FBXO9: variants seen among roughly 807,000 people sequenced by gnomAD.
FBXO9 encodes F-box only protein 9.
A neutral mutation model predicts 63.7 loss-of-function variants in FBXO9; 43 were observed. The observed-to-expected ratio is 0.67, with a 90% confidence interval of 0.53 to 0.87. The LOEUF (loss-of-function observed/expected upper bound fraction) is 0.87, where lower values mean the gene tolerates loss of function less well. Ranked by LOEUF, FBXO9 falls within the 40% of genes least tolerant of loss-of-function variation. The probability of loss-of-function intolerance (pLI) is 0.00; values close to 1 mark genes in which losing one functional copy is unlikely to be tolerated. For synonymous variants in FBXO9, 156 were observed against 171.7 expected (o/e 0.91, Z 0.72); for missense variants, 442 against 533.2 (o/e 0.83, Z 1.68).
intron 6 of FBXO9, among the ~76,000 whole-genome samples, chr6:53,081,546 C>T (rs1460086829): frequency 1.3e-5 from 2 of 152,200 alleles, no homozygotes; most frequent in African/African-American, 4.8e-5. Context: ...GCTGGGATTA[C>T]AGGCCTCTGA....
upstream of FBXO9, chr6:53,065,055 G>T (rs571246794): frequency 3.3e-5 from 5 of 152,402 alleles, no homozygotes; most frequent in Admixed American, 3.3e-4. Context: ...TGACTGTTGA[G>T]AAATTTCACT....
At chr6:53,076,304 A>G (rs892240958) in intron 3 of FBXO9, among the ~76,000 whole-genome samples, 182 bp from the exon 4 acceptor site, 1 of 152,120 alleles carries the variant, frequency 6.6e-6, no homozygotes, top group South Asian at 2.1e-4. Context: ...TGGATTTTAC[A>G]TTTAAGTCCA....
intron 9 of FBXO9, 21 bp downstream of exon 9, chr6:53,092,845 G>A (rs751494379): frequency 1.3e-6 from 2 of 1,511,418 alleles, no homozygotes; most frequent in African/African-American, 1.4e-5. Context: ...AGTACACTGA[G>A]TGAGTGGAAA....
intron 2 of FBXO9, 80 bp from the exon 3 acceptor site, chr6:53,073,401 G>C (rs767602873): frequency 8.8e-5 from 99 of 1,124,490 alleles, no homozygotes; most frequent in Non-Finnish European, 1.2e-4. Flanking sequence ...GAAGTAGATA[G>C]ATGTTGGACA....
chr6:53,077,608 T>C (rs1419880025), intron 4 of FBXO9, among the ~76,000 whole-genome samples: 1 of 152,218 alleles, frequency 6.6e-6, no homozygotes, highest in Non-Finnish European at 1.5e-5. Context: ...TAATTATGCT[T>C]TCCTTTTGTG....
rs1449621519 is a variant in FBXO9, at chr6:53,099,603, GCATGGTGGTACA to G, written c.*1776_*1787del. On this transcript the variant is annotated 3_prime_UTR_variant, in exon 13 of 13. Coordinates refer to ENST00000323557, the MANE Select transcript of FBXO9 (RefSeq NM_033480.3). ...TAAAAATTAAAAAAAAAAAAAATAG[GCATGGTGGTACA>G]CACCTGTGGTCCCAGCTAGTTGGGA... The G allele has an allele frequency of 1.3e-5, 2 of 151,858 alleles. No homozygotes were observed. Among genetic ancestry groups the G allele is most frequent in the Non-Finnish European group, 2.9e-5 (2 of 68,064 alleles). The allele number at this position is 151,858 out of a possible 1,614,324, so 9.4% of individuals were successfully genotyped here.
intron 1 of FBXO9, among the ~76,000 whole-genome samples, chr6:53,066,701 T>C (rs1213937729): frequency 1.3e-5 from 2 of 152,238 alleles, no homozygotes; most frequent in Non-Finnish European, 2.9e-5. Context: ...ATTAAGTACT[T>C]AGCCTTTATA....
Position 53,093,993 on chromosome 6 carries a change from T to G in FBXO9, c.1053+15T>G. On this transcript the variant is annotated intron_variant, in intron 11 of 12. Transcript: ENST00000323557. ...AAAAAGAAGAAGTGAGTATACGAGG[T>G]GTAATTAATAGTTTTCTTATCTTAA... 6.7e-7 allele frequency: 1 copy of G among 1,495,842 alleles called. No homozygotes were observed. Among genetic ancestry groups the G allele is most frequent in the Non-Finnish European group, 9.0e-7 (1 of 1,105,640 alleles). The allele number at this position is 1,495,842 out of a possible 1,614,324, so 92.7% of individuals were successfully genotyped here. A position where few individuals can be genotyped will look rare whatever the true frequency, so the allele number is the denominator to read the frequency against.
intron 11 of FBXO9, chr6:53,094,941 A>G (rs576567642): frequency 2.5e-5 from 5 of 202,366 alleles, no homozygotes; most frequent in South Asian, 1.2e-4. Flanking sequence ...TCTTCAGAAT[A>G]TGATGAAATA....
chr6:53,093,569 TTG>T lies in FBXO9; in HGVS notation c.959+10_959+11del. The T allele has an allele frequency of 6.2e-7, 1 of 1,605,076 alleles. No homozygotes were observed. The highest frequency in any genetic ancestry group is 1.7e-4 in the Middle Eastern group (1 of 6,036). ...AAGAACTAGGAATACCAGGTAGCAT[TTG>T]TTTTTTAAATGGCTTTCCATCCAGT... On this transcript the variant is annotated intron_variant, in intron 10 of 12. Transcript: ENST00000323557.
At chr6:53,087,341 C>CAAAA (rs58776188) in intron 7 of FBXO9, among the ~76,000 whole-genome samples, 2 of 48,384 alleles carry the variant, frequency 4.1e-5, no homozygotes, top group African/African-American at 7.3e-5. Flanking sequence ...GATCCTATCT[C>CAAAA]AAAAAAAAAA....
chr6:53,070,282 AGT>A (rs1286818513), intron 1 of FBXO9, among the ~76,000 whole-genome samples: 4 of 152,048 alleles, frequency 2.6e-5, no homozygotes, highest in African/African-American at 9.7e-5. Context: ...AGCCTCACAA[AGT>A]GTGGGGATTA....
intron 7 of FBXO9, among the ~76,000 whole-genome samples, chr6:53,085,249 A>G (rs223090): frequency 0.75 from 113,561 of 152,052 alleles, 43,095 homozygotes; most frequent in South Asian, 0.88. Context: ...TAGCAGTTCA[A>G]TGAACCCATG....
At chr6:53,082,329 T>G (rs1769342436) in intron 6 of FBXO9, among the ~76,000 whole-genome samples, 175 bp from the exon 7 acceptor site, 1 of 152,252 alleles carries the variant, frequency 6.6e-6, no homozygotes, top group Non-Finnish European at 1.5e-5. Context: ...TATTTATGTC[T>G]TGATGTTAAG....
At chr6:53,084,795 GT>G (rs1199319657) in intron 7 of FBXO9, among the ~76,000 whole-genome samples, 1 of 151,768 alleles carries the variant, frequency 6.6e-6, no homozygotes, top group African/African-American at 2.4e-5. Flanking sequence ...TTTAAGAAAC[GT>G]TTTTTTCCTA....
At chr6:53,094,099 G>T (rs1438360837) in intron 11 of FBXO9, 121 bp downstream of exon 11, 1 of 464,908 alleles carries the variant, frequency 2.2e-6, no homozygotes, top group Non-Finnish European at 3.7e-6. Flanking sequence ...TATATAAAAT[G>T]TATATTAACT....
chr6:53,078,849 A>G lies in FBXO9; in HGVS notation c.358A>G (p.Lys120Glu). 2 of 1,613,942 alleles carry G rather than the reference A, an allele frequency of 1.2e-6. No individual in the cohort carries two copies. Among genetic ancestry groups the G allele is most frequent in the Non-Finnish European group, 1.7e-6 (2 of 1,179,828 alleles). ...GCAACTTGTACCTGATATAGAGTTC[A>G]AGATTACTTATACCCGGTCTCCAGA... ...AMQLVPDIEF[K>E]ITYTRSPDGD... The change falls in exon 5 of 13, where the codon AAG (lysine) becomes GAG (glutamate). Residue 120 changes from lysine (K) to glutamate (E), a missense_variant. Lys to Glu is a moderately conservative substitution (Grantham distance 56, BLOSUM62 1). Coordinates refer to ENST00000323557, the MANE Select transcript of FBXO9 (RefSeq NM_033480.3).
intron 1 of FBXO9, chr6:53,066,261 TGAG>T: frequency 2.2e-6 from 1 of 451,378 alleles, no homozygotes; most frequent in Non-Finnish European, 2.9e-6. Flanking sequence ...GCCGGCACCT[TGAG>T]GAGCCCTGGG....
chr6:53,068,103 C>T (rs992065004), intron 1 of FBXO9: 7 of 151,692 alleles, frequency 4.6e-5, no homozygotes, highest in South Asian at 2.1e-4. Flanking sequence ...CCCCCCTGGC[C>T]GCCCTGAAAT....
Sources: gnomAD v4.1 joint callset for allele counts (sites outside exome capture counted in the v4.1 genomes callset) on GRCh38, gnomAD v4.1.1 for gene constraint, MANE v1.5 for transcripts, NCBI Gene and HGNC (gene_info 2026-07-23, HGNC 2026-07-21) for gene names.